The following SKAP2 variants were observed in gnomAD, a reference collection of about 807,000 sequenced individuals.
SKAP2 encodes the protein src kinase-associated phosphoprotein 2.
SKAP2 carries 28 observed loss-of-function variants against 54.9 expected under a neutral mutation model. The ratio of observed to expected loss-of-function variants is 0.51; its 90% CI spans 0.38 to 0.70. The LOEUF is 0.70. SKAP2 is among the 30% of genes least tolerant of loss of function. The pLI is 0.00. For missense variants in SKAP2, 356 were observed against 424.1 expected (o/e 0.84, Z 1.41); for synonymous variants, 137 against 134.3 (o/e 1.02, Z -0.14).
rs548909676 is a variant in SKAP2, at chr7:26,833,877, C to A, written c.307+10153G>T. On this transcript the variant is annotated intron_variant, in intron 4 of 12. Transcript: ENST00000345317. ...CAGACATCTACAGAACTCTCCACCCCAAATCAACAGAATATACATTCTTCT... is the reference window on the plus strand; with the variant it reads ...CAGACATCTACAGAACTCTCCACCCAAAATCAACAGAATATACATTCTTCT... Among the ~76,000 whole-genome samples, 9 of 152,274 alleles carry A rather than the reference C, an allele frequency of 5.9e-5. No homozygotes were observed. In the South Asian group the frequency reaches 1.9e-3, roughly 32 times the overall value.
chr7:26,685,066 TTTTC>T (rs1404750342), intron 10 of SKAP2, among the ~76,000 whole-genome samples: 1 of 152,206 alleles, frequency 6.6e-6, no homozygotes, highest in Non-Finnish European at 1.5e-5. Flanking sequence ...GAATTTCTGC[TTTTC>T]TTTTTCTGCC....
the SKAP2 span, among the ~76,000 whole-genome samples, chr7:26,656,498 T>G: frequency 6.6e-6 from 1 of 152,196 alleles, no homozygotes; most frequent in Middle Eastern, 3.2e-3. Context: ...AGCAGACAAG[T>G]GTACAAACAA....
At chr7:26,737,458 G>A (rs1391516247) in intron 6 of SKAP2, among the ~76,000 whole-genome samples, 1 of 152,106 alleles carries the variant, frequency 6.6e-6, no homozygotes, top group African/African-American at 2.4e-5. Flanking sequence ...TAGCCAAAAG[G>A]TAAGAACAAC....
At chr7:26,662,193 C>T (rs1319324879), downstream of SKAP2, among the ~76,000 whole-genome samples, 3 of 152,126 alleles carry the variant, frequency 2.0e-5, no homozygotes, top group Non-Finnish European at 2.9e-5. Flanking sequence ...CTGTAAAAGA[C>T]GTTCACATTA....
At chr7:26,725,372 TCA>T (rs139615753) in intron 9 of SKAP2, 54 bp downstream of exon 9, 16,063 of 1,027,492 alleles carry the variant, frequency 0.016, no homozygotes, top group South Asian at 0.024. Context: ...ACACACACAC[TCA>T]CACACACACA....
chr7:26,726,480 C>T (rs1787712279), intron 7 of SKAP2, among the ~76,000 whole-genome samples: 1 of 152,048 alleles, frequency 6.6e-6, no homozygotes, highest in South Asian at 2.1e-4. Flanking sequence ...TGTACTTTTA[C>T]CTTCATTTTC....
At chr7:26,808,212 C>T (rs1170944949) in intron 4 of SKAP2, among the ~76,000 whole-genome samples, 2 of 151,928 alleles carry the variant, frequency 1.3e-5, no homozygotes, top group Non-Finnish European at 2.9e-5. Flanking sequence ...ATGGAAATAA[C>T]CCAAATAAAT....
At chr7:26,794,939 T>C (rs1388225735) in intron 4 of SKAP2, among the ~76,000 whole-genome samples, 2 of 152,216 alleles carry the variant, frequency 1.3e-5, no homozygotes, top group Non-Finnish European at 2.9e-5. Context: ...ACCCCATGTC[T>C]CGTTTGCTGG....
intron 3 of SKAP2, among the ~76,000 whole-genome samples, chr7:26,846,168 CA>C (rs1398178542): frequency 6.6e-6 from 1 of 151,136 alleles, no homozygotes; most frequent in South Asian, 2.1e-4. Context: ...ATATCTCACA[CA>C]AAAAAAATCT....
intron 4 of SKAP2, among the ~76,000 whole-genome samples, chr7:26,790,383 C>A (rs928816111): frequency 6.6e-6 from 1 of 152,144 alleles, no homozygotes; most frequent in Admixed American, 6.5e-5. Flanking sequence ...AACATGAAAT[C>A]ATCTAAATTA....
chr7:26,742,095 G>A (rs1782467879), intron 4 of SKAP2, among the ~76,000 whole-genome samples: 1 of 151,474 alleles, frequency 6.6e-6, no homozygotes, highest in African/African-American at 2.4e-5. Flanking sequence ...TACATATAAA[G>A]GTATAAATTA....
chr7:26,704,550 T>C lies in SKAP2; in HGVS notation c.797-14188A>G, dbSNP rs56987385. ...TACCTATGAGTGGCTGTGCACAGAC[T>C]TTCAGAATTGTTTTTAAGAAGTTTT... On this transcript the variant is annotated intron_variant, in intron 9 of 12. Coordinates refer to ENST00000345317, the MANE Select transcript of SKAP2 (RefSeq NM_003930.5). Among the ~76,000 whole-genome samples, 812 of 152,350 alleles carry C rather than the reference T, an allele frequency of 5.3e-3. 10 individuals are homozygous for C. The highest frequency in any genetic ancestry group is 0.018 in the African/African-American group (743 of 41,578).
At chr7:26,845,314 CCT>C (rs1299445210) in intron 3 of SKAP2, among the ~76,000 whole-genome samples, 3 of 152,150 alleles carry the variant, frequency 2.0e-5, no homozygotes, top group East Asian at 1.9e-4. Context: ...GAGAAAATAG[CCT>C]CTCTCAAGAC....
rs1584406228 is a variant in SKAP2, at chr7:26,815,669, T to C, written c.307+28361A>G. 2.0e-5 allele frequency among the ~76,000 whole-genome samples: 3 copies of C among 151,966 alleles called. No individual in the cohort carries two copies. In the South Asian group the frequency reaches 6.2e-4, roughly 32 times the overall value. On this transcript the variant is annotated intron_variant, in intron 4 of 12. Transcript: ENST00000345317. The stretch of plus-strand genomic sequence containing the variant: ...AAGGGAGGACAAAGTGGAAGACGAG[T>C]GGGAGGTTCAGTATGATGGAGGATA...
At chr7:26,855,331 G>A (rs1008584022) in intron 1 of SKAP2, among the ~76,000 whole-genome samples, 1 of 152,080 alleles carries the variant, frequency 6.6e-6, no homozygotes, top group South Asian at 2.1e-4. Context: ...TAATGTCTCT[G>A]GCAAGGGTCT....
intron 9 of SKAP2, among the ~76,000 whole-genome samples, chr7:26,709,004 C>A (rs1425446751): frequency 6.6e-6 from 1 of 152,030 alleles, no homozygotes; most frequent in East Asian, 1.9e-4. Context: ...ATGATCTCTG[C>A]AGAATACTTT....
chr7:26,843,671 CTTT>C (rs1270911487), intron 4 of SKAP2, among the ~76,000 whole-genome samples: 1 of 151,592 alleles, frequency 6.6e-6, no homozygotes, highest in African/African-American at 2.4e-5. Flanking sequence ...GATCAAAAAT[CTTT>C]TTTATTATTT....
chr7:26,756,501 A>G (rs1399021226), intron 4 of SKAP2, among the ~76,000 whole-genome samples: 1 of 152,242 alleles, frequency 6.6e-6, no homozygotes, highest in Non-Finnish European at 1.5e-5. Context: ...TACAAAGGAC[A>G]TGAACTCATC....
intron 4 of SKAP2, among the ~76,000 whole-genome samples, chr7:26,823,675 A>C (rs10248500): frequency 0.21 from 32,332 of 152,106 alleles, 3,520 homozygotes; most frequent in Non-Finnish European, 0.24. Context: ...CTTCATAACA[A>C]AAAAGTGCAA....
Sources: gnomAD v4.1 joint callset for allele counts (sites outside exome capture counted in the v4.1 genomes callset) on GRCh38, gnomAD v4.1.1 for gene constraint, MANE v1.5 for transcripts, NCBI Gene and HGNC (gene_info 2026-07-23, HGNC 2026-07-21) for gene names.